HYLS1: variants seen among roughly 807,000 people sequenced by gnomAD.
HYLS1 encodes HYLS1 centriolar and ciliogenesis associated, also known as centriolar and ciliogenesis-associated protein HYLS1.
A neutral mutation model predicts 29.4 loss-of-function variants in HYLS1; 25 were observed. That is an observed-to-expected ratio of 0.85 (90% CI 0.62 to 1.19). HYLS1 has a LOEUF of 1.19. HYLS1 is among the 50% of genes most tolerant of loss of function. The probability of loss-of-function intolerance (pLI) is 0.00; values close to 1 mark genes in which losing one functional copy is unlikely to be tolerated. For missense variants in HYLS1, 352 were observed against 365.1 expected (o/e 0.96, Z 0.29); for synonymous variants, 128 against 126.7 (o/e 1.01, Z -0.07).
intron 2 of HYLS1, chr11:125,896,017 C>CA (rs930317273): frequency 1.2e-6 from 2 of 1,614,066 alleles, no homozygotes; most frequent in Non-Finnish European, 1.7e-6. Flanking sequence ...AGTTTCTCTT[C>CA]AATGGTATTA....
chr11:125,899,624 T>TC lies in HYLS1; in HGVS notation c.259dup (p.Gln87ProfsTer26). On this transcript the variant is annotated frameshift_variant, in exon 3 of 3. Coordinates refer to ENST00000425380, the MANE Select transcript of HYLS1 (RefSeq NM_001134793.2). LOFTEE classifies it high-confidence loss of function. The stretch of plus-strand genomic sequence containing the variant: ...CCCTTCAGAAACAGTCTCTGAGGCC[T>TC]CCCAAAGACTCCGAAAGCCAGTGAT... 5.6e-6 allele frequency: 9 copies of TC among 1,614,104 alleles called. No homozygotes were observed. The highest frequency in any genetic ancestry group is 7.6e-6 in the Non-Finnish European group (9 of 1,180,016).
intron 2 of HYLS1, chr11:125,893,558 T>G: frequency 2.4e-6 from 1 of 409,686 alleles, no homozygotes; most frequent in East Asian, 4.0e-5. Context: ...TACATCTCCA[T>G]TTTACGTTCT....
chr11:125,895,654 T>C, intron 2 of HYLS1: 2 of 1,614,210 alleles, frequency 1.2e-6, no homozygotes, highest in Non-Finnish European at 1.7e-6. Flanking sequence ...AATATACGGA[T>C]GTCTGGAGGG....
chr11:125,884,268 A>G (rs1944270385), upstream of HYLS1, among the ~76,000 whole-genome samples: 1 of 152,226 alleles, frequency 6.6e-6, no homozygotes, highest in African/African-American at 2.4e-5. Flanking sequence ...TGAACTCTGG[A>G]TATCTGATGA....
chr11:125,898,441 G>A (rs545865265), intron 2 of HYLS1, among the ~76,000 whole-genome samples: 172 of 152,304 alleles, frequency 1.1e-3, no homozygotes, highest in Non-Finnish European at 1.4e-3. Flanking sequence ...ATGGGAGGCC[G>A]AGGCGGGTGG....
At chr11:125,886,157 C>A (rs967913339), upstream of HYLS1, among the ~76,000 whole-genome samples, 1 of 152,096 alleles carries the variant, frequency 6.6e-6, no homozygotes. Flanking sequence ...AGGTTGGGAC[C>A]GCTGCACTAA....
intron 2 of HYLS1, chr11:125,895,449 G>C: frequency 6.2e-7 from 1 of 1,614,104 alleles, no homozygotes; most frequent in Non-Finnish European, 8.5e-7. Context: ...AGATAGAATA[G>C]TCCTCTGAAA....
At position 125,899,959 on chromosome 11, in the gene HYLS1, C is replaced by A; in HGVS notation, c.591C>A (p.Leu197=). Residue 197 remains leucine (L), a synonymous_variant, in exon 3 of 3, where the codon CTC becomes CTA. Transcript: ENST00000425380. ...IVASRPKSFI[L]PKLDQLSRNR... is the part of the protein sequence containing the mutation. ...CCAGCAGACCCAAGTCCTTTATTCT[C>A]CCAAAGCTGGACCAGTTAAGCCGAA... 1.2e-6 allele frequency: 2 copies of A among 1,614,202 alleles called. No individual in the cohort carries two copies. Among genetic ancestry groups the A allele is most frequent in the Non-Finnish European group, 1.7e-6 (2 of 1,180,042 alleles).
chr11:125,891,350 ATGG>A (rs1944403678), intron 1 of HYLS1, 70 bp from the exon 2 acceptor site: 1 of 151,552 alleles, frequency 6.6e-6, no homozygotes, highest in Non-Finnish European at 1.5e-5. Context: ...ACAATGACTT[ATGG>A]TTAGTGCATT....
At chr11:125,893,169 G>A (rs912054371) in intron 2 of HYLS1, among the ~76,000 whole-genome samples, 3 of 152,174 alleles carry the variant, frequency 2.0e-5, no homozygotes, top group Non-Finnish European at 4.4e-5. Flanking sequence ...GTAAAGGATT[G>A]TAAAAACATG....
chr11:125,891,200 C>T (rs58751141), intron 1 of HYLS1, among the ~76,000 whole-genome samples: 1 of 152,090 alleles, frequency 6.6e-6, no homozygotes, highest in African/African-American at 2.4e-5. Flanking sequence ...TTGACTTTTT[C>T]TATGGCAACT....
intron 2 of HYLS1, among the ~76,000 whole-genome samples, chr11:125,893,046 C>G (rs1329631622): frequency 6.6e-6 from 1 of 152,238 alleles, no homozygotes; most frequent in East Asian, 1.9e-4. Context: ...CTGGCTCCCA[C>G]TTGTTCTGCA....
At chr11:125,888,134 G>T (rs1271445878) in intron 1 of HYLS1, 1 of 152,244 alleles carries the variant, frequency 6.6e-6, no homozygotes, top group Non-Finnish European at 1.5e-5. Context: ...GGCCGCTAGC[G>T]ACCTGGGTCC....
intron 2 of HYLS1, chr11:125,895,550 A>G: frequency 1.9e-6 from 3 of 1,614,214 alleles, no homozygotes; most frequent in Non-Finnish European, 2.5e-6. Flanking sequence ...CCATGGTTAC[A>G]ATATCTAAAT....
Position 125,900,172 on chromosome 11 carries a change from AGAG to A in HYLS1, c.805_807del (p.Glu269del). ...TCCCAAACAATTATCTAGTACCAAC[AGAG>A]AAGAAAAGGTCTGCACTCCGTTGGG... is the stretch of plus-strand genomic sequence containing the variant. On this transcript the variant is annotated inframe_deletion, in exon 3 of 3. Coordinates refer to ENST00000425380, the MANE Select transcript of HYLS1 (RefSeq NM_001134793.2). 6.2e-7 allele frequency: 1 copy of A among 1,614,220 alleles called. No individual in the cohort carries two copies. The highest frequency in any genetic ancestry group is 1.1e-5 in the South Asian group (1 of 91,082).
upstream of HYLS1, among the ~76,000 whole-genome samples, chr11:125,886,521 C>G (rs926125947): frequency 1.0e-4 from 15 of 150,370 alleles, no homozygotes; most frequent in African/African-American, 3.4e-4. Flanking sequence ...ACCCTGAGGG[C>G]CTCTCCTCTT....
At chr11:125,893,718 T>TC (rs1944479423) in intron 2 of HYLS1, 1 of 1,400,670 alleles carries the variant, frequency 7.1e-7, no homozygotes, top group Non-Finnish European at 9.5e-7. Context: ...CAAGTAAATT[T>TC]TTTTTTTTTT....
chr11:125,884,472 G>A (rs540417745), upstream of HYLS1, among the ~76,000 whole-genome samples: 4 of 152,268 alleles, frequency 2.6e-5, no homozygotes, highest in East Asian at 1.9e-4. Flanking sequence ...AGCCGGGTGC[G>A]GTGGCGGGTG....
At chr11:125,887,324 T>A (rs1253374716), upstream of HYLS1, 1 of 150,902 alleles carries the variant, frequency 6.6e-6, no homozygotes, top group Non-Finnish European at 1.5e-5. Context: ...AAAAGCCAGC[T>A]ATGTCGCCGT....
Sources: gnomAD v4.1 joint callset for allele counts (sites outside exome capture counted in the v4.1 genomes callset) on GRCh38, gnomAD v4.1.1 for gene constraint, MANE v1.5 for transcripts, NCBI Gene and HGNC (gene_info 2026-07-23, HGNC 2026-07-21) for gene names.